Variants in CDH13 observed in about 807,000 individuals in gnomAD.
The protein encoded by CDH13 is cadherin 13.
In CDH13, 24 loss-of-function variants were observed where a neutral mutation model predicts 63.8. The observed-to-expected ratio is 0.38, with a 90% CI of 0.27 to 0.53. The LOEUF is 0.53. CDH13 is among the 20% of genes least tolerant of loss of function. The probability of loss-of-function intolerance (pLI) is 0.85; values close to 1 mark genes in which losing one functional copy is unlikely to be tolerated. For synonymous variants in CDH13, 503 were observed against 355.3 expected, an observed-to-expected ratio of 1.42 and a Z score of -4.67; for missense variants, 1,049 against 903.1, an observed-to-expected ratio of 1.16 and a Z score of -2.07.
intron 5 of CDH13, among the ~76,000 whole-genome samples, chr16:83,294,000 T>A (rs1359394757): frequency 6.6e-6 from 1 of 152,214 alleles, no homozygotes; most frequent in East Asian, 1.9e-4. Context: ...AAAAAATCAA[T>A]AACTACCCCA....
intron 2 of CDH13, among the ~76,000 whole-genome samples, chr16:82,992,162 C>T (rs1304536651): frequency 6.6e-6 from 1 of 152,162 alleles, no homozygotes; most frequent in African/African-American, 2.4e-5. Flanking sequence ...ATGAGACCAG[C>T]ACTATGTTGA....
At chr16:82,703,397 T>G (rs9934012) in intron 1 of CDH13, among the ~76,000 whole-genome samples, 151,035 of 152,158 alleles carry the variant, frequency 0.99, 74,964 homozygotes, top group Middle Eastern at 1. Context: ...GGCCAGAAGT[T>G]CTGGAGAACT....
intron 3 of CDH13, among the ~76,000 whole-genome samples, chr16:83,053,804 C>A (rs2030636541): frequency 6.6e-6 from 1 of 152,080 alleles, no homozygotes. Context: ...CATCCAGTAA[C>A]ATATACAGCA....
chr16:83,648,722 GAGTC>G (rs1353771396), intron 8 of CDH13, among the ~76,000 whole-genome samples: 1 of 152,068 alleles, frequency 6.6e-6, no homozygotes, highest in Non-Finnish European at 1.5e-5. Flanking sequence ...TGCAAAAATC[GAGTC>G]AGTATCATTC....
intron 1 of CDH13, among the ~76,000 whole-genome samples, chr16:82,714,978 G>T (rs2032259147): frequency 7.6e-6 from 1 of 132,330 alleles, no homozygotes; most frequent in African/African-American, 2.7e-5. Context: ...CAGCCAGTGT[G>T]TGATACTTTG....
intron 2 of CDH13, among the ~76,000 whole-genome samples, chr16:82,909,912 A>T (rs2041775081): frequency 6.6e-6 from 1 of 152,146 alleles, no homozygotes; most frequent in Non-Finnish European, 1.5e-5. Context: ...ATGTGCACCA[A>T]TATCTGGTCC....
chr16:83,086,435 A>G (rs9935137), intron 3 of CDH13, among the ~76,000 whole-genome samples: 77,295 of 152,036 alleles, frequency 0.51, 19,880 homozygotes, highest in Middle Eastern at 0.61. Context: ...AAGACTCATT[A>G]GGGTGACGAT....
At chr16:83,361,448 T>C (rs1403056084) in intron 6 of CDH13, among the ~76,000 whole-genome samples, 1 of 152,206 alleles carries the variant, frequency 6.6e-6, no homozygotes, top group East Asian at 1.9e-4. Context: ...ATCCCACTTG[T>C]CAATTTTTGT....
chr16:82,755,397 G>T (rs956015345), intron 1 of CDH13, among the ~76,000 whole-genome samples: 11 of 152,194 alleles, frequency 7.2e-5, no homozygotes, highest in East Asian at 3.8e-4. Flanking sequence ...GTTGTGTTTG[G>T]GAAGATTAGA....
intron 2 of CDH13, among the ~76,000 whole-genome samples, chr16:83,020,239 G>A (rs914531168): frequency 7.9e-5 from 12 of 152,056 alleles, no homozygotes; most frequent in Admixed American, 5.9e-4. Flanking sequence ...GGACCTCAAT[G>A]TATTCTCCTT....
At chr16:82,864,210 C>T (rs1350597938) in intron 2 of CDH13, among the ~76,000 whole-genome samples, 1 of 152,112 alleles carries the variant, frequency 6.6e-6, no homozygotes, top group African/African-American at 2.4e-5. Context: ...GTCGTTGTTT[C>T]TGAAGAGGCA....
At chr16:82,690,400 CA>C (rs1915529914) in intron 1 of CDH13, among the ~76,000 whole-genome samples, 1 of 151,900 alleles carries the variant, frequency 6.6e-6, no homozygotes, top group Non-Finnish European at 1.5e-5. Context: ...ACAAAAATAA[CA>C]AAAAATTAAT....
chr16:83,760,015 TAAAC>T (rs1471548460), intron 11 of CDH13, among the ~76,000 whole-genome samples: 3 of 150,214 alleles, frequency 2.0e-5, no homozygotes, highest in Non-Finnish European at 4.4e-5. Flanking sequence ...ATAAGAGACT[TAAAC>T]AAATACTTCA....
At chr16:83,180,712 A>C (rs2038317002) in intron 4 of CDH13, among the ~76,000 whole-genome samples, 1 of 152,206 alleles carries the variant, frequency 6.6e-6, no homozygotes, top group South Asian at 2.1e-4. Context: ...TTATTAGACT[A>C]TGCATGCCAA....
chr16:83,062,726 T>G (rs1188857529), intron 3 of CDH13, among the ~76,000 whole-genome samples: 1 of 152,214 alleles, frequency 6.6e-6, no homozygotes, highest in Non-Finnish European at 1.5e-5. Context: ...AGACTTGAAA[T>G]AATCATTCTA....
intron 7 of CDH13, among the ~76,000 whole-genome samples, chr16:83,534,334 G>C (rs1055051415): frequency 2.6e-5 from 4 of 152,282 alleles, no homozygotes; most frequent in South Asian, 2.1e-4. Context: ...ATCTTGGCTA[G>C]GTTCTTTGAC....
At chr16:83,386,521 T>C (rs188298282) in intron 6 of CDH13, among the ~76,000 whole-genome samples, 57 of 152,296 alleles carry the variant, frequency 3.7e-4, no homozygotes, top group Non-Finnish European at 6.8e-4. Context: ...TGGTTCAAAA[T>C]AAGTGGGATT....
intron 3 of CDH13, among the ~76,000 whole-genome samples, chr16:83,087,390 C>G (rs2033655870): frequency 1.3e-5 from 2 of 152,098 alleles, no homozygotes; most frequent in East Asian, 1.9e-4. Flanking sequence ...TTAGCACCAG[C>G]TGGACACGGT....
chr16:83,466,074 AC>A (rs925662067), intron 6 of CDH13, among the ~76,000 whole-genome samples: 1 of 151,168 alleles, frequency 6.6e-6, no homozygotes. Context: ...AGGCAGGACC[AC>A]CCCCCGCAAC....
Sources: allele counts gnomAD v4.1 joint callset (sites outside exome capture counted in the v4.1 genomes callset), GRCh38; gene constraint gnomAD v4.1.1; transcripts MANE v1.5; gene names NCBI Gene and HGNC (gene_info 2026-07-23, HGNC 2026-07-21).